The following DCHS2 variants were observed in gnomAD, a reference collection of about 807,000 sequenced individuals.
DCHS2 encodes dachsous cadherin-related 2.
DCHS2 carries 142 observed loss-of-function variants against 182.4 expected under a neutral mutation model. The ratio of observed to expected loss-of-function variants is 0.78; its 90% CI spans 0.68 to 0.89. The LOEUF (loss-of-function observed/expected upper bound fraction) is 0.89, where lower values mean the gene tolerates loss of function less well. DCHS2 is among the 40% of genes least tolerant of loss of function. The pLI, the probability that DCHS2 is intolerant of heterozygous loss-of-function variation, is 0.00. For missense variants in DCHS2, 4,319 were observed against 4,198.6 expected (o/e 1.03, Z -0.79); for synonymous variants, 1,740 against 1,663.3 (o/e 1.05, Z -1.12).
At chr4:154,322,515 G>T (rs1161991544) in intron 7 of DCHS2, 27 bp from the exon 8 acceptor site, 1 of 1,572,962 alleles carries the variant, frequency 6.4e-7, no homozygotes, top group African/African-American at 1.4e-5. Context: ...ATTAAGAAAT[G>T]AATGTTAATT....
intron 1 of DCHS2, among the ~76,000 whole-genome samples, chr4:154,385,051 T>C (rs62331899): frequency 0.073 from 11,087 of 151,100 alleles, 589 homozygotes; most frequent in Non-Finnish European, 0.12. Context: ...ATTAGGTATA[T>C]CTTCTAATGC....
In DCHS2 at chr4:154,332,704, T is replaced by A. The variant is rs768144624; in HGVS notation, c.3504A>T (p.Gly1168=). ...CTGTAGTGCTCACATTTTGCAAGAATCCGTCCTCGGGGATCCAAGCAAACA... is the reference window on the plus strand; with the variant it reads ...CTGTAGTGCTCACATTTTGCAAGAAACCGTCCTCGGGGATCCAAGCAAACA... ...FRVFAWIPED[G]FLQNVSTTVI... The change falls in exon 5 of 20, where the codon GGA becomes GGT. Residue 1168 remains glycine (G), a synonymous_variant. Coordinates refer to ENST00000357232, the MANE Select transcript of DCHS2 (RefSeq NM_001358235.2). The A allele has an allele frequency of 1.9e-6, 3 of 1,614,250 alleles. No homozygotes were observed. The highest frequency in any genetic ancestry group is 2.5e-6 in the Non-Finnish European group (3 of 1,180,034).
At chr4:154,378,386 C>T (rs907172491) in intron 1 of DCHS2, among the ~76,000 whole-genome samples, 3 of 149,296 alleles carry the variant, frequency 2.0e-5, no homozygotes, top group African/African-American at 7.4e-5. Context: ...ACCTACATAG[C>T]ACTTACAATA....
rs1170616620 is a variant in DCHS2, at chr4:154,232,731, G to C, written c.*1805C>G. 6.7e-6 allele frequency: 1 copy of C among 148,536 alleles called. No homozygotes were observed. Among genetic ancestry groups the C allele is most frequent in the Non-Finnish European group, 1.5e-5 (1 of 67,886 alleles). The allele number at this position is 148,536 out of a possible 1,614,324, so 9.2% of individuals were successfully genotyped here. A position where few individuals can be genotyped will look rare whatever the true frequency, so the allele number is the denominator to read the frequency against. The stretch of plus-strand genomic sequence containing the variant: ...AACACATAAATGATTAAATATGTGT[G>C]GGTTTTTTTTTTACATAAGTCATGA... On this transcript the variant is annotated 3_prime_UTR_variant, in exon 20 of 20. Coordinates refer to ENST00000357232, the MANE Select transcript of DCHS2 (RefSeq NM_001358235.2).
intron 1 of DCHS2, among the ~76,000 whole-genome samples, chr4:154,446,520 C>G (rs958853989): frequency 6.6e-6 from 1 of 152,104 alleles, no homozygotes; most frequent in Non-Finnish European, 1.5e-5. Context: ...ATCCTCAGAA[C>G]AACTTCAGGA....
intron 3 of DCHS2, among the ~76,000 whole-genome samples, chr4:154,352,001 C>A (rs1005178302): frequency 3.9e-5 from 6 of 151,952 alleles, no homozygotes; most frequent in Non-Finnish European, 8.8e-5. Context: ...TAGCTAGGTG[C>A]ATTCAACTCA....
At chr4:154,357,343 CCAGGCTGGTGGGAG>C (rs762862304) in intron 3 of DCHS2, 94 of 1,534,742 alleles carry the variant, frequency 6.1e-5, no homozygotes, top group Non-Finnish European at 4.6e-5. Flanking sequence ...GGAAAAGGAG[CCAGGCTGGTGGGAG>C]CAGGGAAAAG....
At chr4:154,285,441 T>A (rs1578912166) in intron 13 of DCHS2, among the ~76,000 whole-genome samples, 1 of 152,268 alleles carries the variant, frequency 6.6e-6, no homozygotes. Flanking sequence ...GGATCATTGA[T>A]TCCGGGCCTT....
At chr4:154,362,082 C>T (rs181924532) in intron 3 of DCHS2, among the ~76,000 whole-genome samples, 23 of 152,086 alleles carry the variant, frequency 1.5e-4, no homozygotes, top group South Asian at 1.0e-3. Context: ...TCTCAACCTG[C>T]CTATATAAGA....
chr4:154,291,492 T>C (rs1450197314), intron 13 of DCHS2, among the ~76,000 whole-genome samples: 2 of 152,188 alleles, frequency 1.3e-5, no homozygotes, highest in Non-Finnish European at 2.9e-5. Context: ...ATATCTGCAC[T>C]TCTATGTTTA....
chr4:154,443,562 T>C (rs981090161), intron 1 of DCHS2, among the ~76,000 whole-genome samples: 1 of 152,056 alleles, frequency 6.6e-6, no homozygotes, highest in African/African-American at 2.4e-5. Flanking sequence ...ACTGCAAACA[T>C]ACCCACAGAC....
chr4:154,254,931 TA>T (rs1732576698), intron 16 of DCHS2, among the ~76,000 whole-genome samples: 1 of 152,226 alleles, frequency 6.6e-6, no homozygotes, highest in Non-Finnish European at 1.5e-5. Context: ...CTGATTTTTT[TA>T]AACACCAAGA....
At chr4:154,257,155 G>T (rs1732724933) in intron 15 of DCHS2, among the ~76,000 whole-genome samples, 1 of 152,212 alleles carries the variant, frequency 6.6e-6, no homozygotes, top group South Asian at 2.1e-4. Flanking sequence ...GGCTGAGGCA[G>T]GAGAATTGCT....
At chr4:154,379,042 G>T (rs1579026299) in intron 1 of DCHS2, among the ~76,000 whole-genome samples, 1 of 152,040 alleles carries the variant, frequency 6.6e-6, no homozygotes. Context: ...ATTCCAAATG[G>T]GTTCCAGAAT....
chr4:154,379,653 A>G (rs1731080523), intron 1 of DCHS2, among the ~76,000 whole-genome samples: 3 of 152,194 alleles, frequency 2.0e-5, no homozygotes, highest in African/African-American at 7.2e-5. Context: ...ATCACCTACA[A>G]TATTTGTGCT....
chr4:154,390,336 A>T (rs569423983), intron 1 of DCHS2, among the ~76,000 whole-genome samples: 2 of 140,172 alleles, frequency 1.4e-5, no homozygotes, highest in Non-Finnish European at 3.0e-5. Context: ...TCATTGTTCA[A>T]TTCCCACCTA....
At chr4:154,472,053 G>T (rs1579114601) in intron 1 of DCHS2, among the ~76,000 whole-genome samples, 1 of 151,852 alleles carries the variant, frequency 6.6e-6, no homozygotes, top group East Asian at 1.9e-4. Context: ...GTACAGCTCT[G>T]GGCAAAAAAA....
chr4:154,491,034 C>G lies in DCHS2; in HGVS notation c.322G>C (p.Asp108His), dbSNP rs1412053912. ...GSGFFLSEDS[D>H]DSPLLDDFHV... Reference sequence around the variant, plus strand: ...AAGTCGTCCAGCAGCGGGGAGTCATCGGAGTCCTCCGACAGAAAGAAGCCG... The same window carrying G: ...AAGTCGTCCAGCAGCGGGGAGTCATGGGAGTCCTCCGACAGAAAGAAGCCG... Residue 108 changes from aspartate to histidine, a missense_variant, in exon 1 of 20, where the codon GAT becomes CAT. Asp to His is a moderately conservative substitution (Grantham distance 81). Transcript: ENST00000357232. 1 of 1,550,998 alleles carries G rather than the reference C, an allele frequency of 6.4e-7. No individual in the cohort carries two copies. The highest frequency in any genetic ancestry group is 2.0e-5 in the Admixed American group (1 of 50,990).
At chr4:154,483,862 C>T (rs1387179518) in intron 1 of DCHS2, among the ~76,000 whole-genome samples, 1 of 152,192 alleles carries the variant, frequency 6.6e-6, no homozygotes, top group Non-Finnish European at 1.5e-5. Context: ...TGACTCTTCT[C>T]CCATTATCCT....
Sources: gnomAD v4.1 joint callset for allele counts (sites outside exome capture counted in the v4.1 genomes callset) on GRCh38, gnomAD v4.1.1 for gene constraint, MANE v1.5 for transcripts, NCBI Gene and HGNC (gene_info 2026-07-23, HGNC 2026-07-21) for gene names.